Variants in FGFR4 observed in about 807,000 individuals in gnomAD.
The protein encoded by FGFR4 is fibroblast growth factor receptor 4, also known as hydroxyaryl-protein kinase.
FGFR4 carries 63 observed loss-of-function variants against 89.9 expected under a neutral mutation model. The observed-to-expected ratio is 0.70, with a 90% CI of 0.57 to 0.86. FGFR4 has a LOEUF of 0.86. Among genes scored for constraint, FGFR4 ranks in the 40% least tolerant of loss-of-function variants. The pLI, the probability that FGFR4 is intolerant of heterozygous loss-of-function variation, is 0.00. For synonymous variants in FGFR4, 486 were observed against 479.4 expected, an observed-to-expected ratio of 1.01 and a Z score of -0.18; for missense variants, 928 against 1,106.7, an observed-to-expected ratio of 0.84 and a Z score of 2.29.
At position 177,093,076 on chromosome 5, in the gene FGFR4, G is replaced by A. The variant is rs1308571729; in HGVS notation, c.1058-62G>A. The A allele has an allele frequency of 1.1e-5, 18 of 1,597,540 alleles. No individual in the cohort carries two copies. The highest frequency in any genetic ancestry group is 5.0e-5 in the Admixed American group (3 of 59,840). On this transcript the variant is annotated intron_variant, in intron 8 of 17. Transcript: ENST00000292408. This position sits in a 1 kb window ranked among gnomAD's most constrained non-coding sequence, Gnocchi z 5.8. ...TGGGAGGGACTGAGTTAGGGTGCAC[G>A]GGGCGGCCAGTCTCACCACTGACCA...
rs2149738806 is a variant in FGFR4 at position 177,096,289 on chromosome 5, C to T, written c.1947C>T (p.Gly649=). 1 of 1,614,156 alleles carries T rather than the reference C, an allele frequency of 6.2e-7. No homozygotes were observed. Among genetic ancestry groups the T allele is most frequent in the African/African-American group, 1.3e-5 (1 of 75,060 alleles). ...HIDYYKKTSN[G]RLPVKWMAPE... ...CTGAGGCCCTCTCTCCCCTCCAGGGCCGCCTGCCTGTGAAGTGGATGGCGC... is the reference window on the plus strand; with the variant it reads ...CTGAGGCCCTCTCTCCCCTCCAGGGTCGCCTGCCTGTGAAGTGGATGGCGC... Residue 649 remains glycine, a splice_region_variant and synonymous_variant, in exon 15 of 18, where the codon GGC becomes GGT. Transcript: ENST00000292408.
At chr5:177,094,220 A>G (rs910459682) in intron 11 of FGFR4, among the ~76,000 whole-genome samples, 1 of 152,068 alleles carries the variant, frequency 6.6e-6, no homozygotes, top group Middle Eastern at 3.2e-3. Flanking sequence ...TAAACCTGCA[A>G]TTCACCTCTG....
intron 1 of FGFR4, among the ~76,000 whole-genome samples, chr5:177,089,111 C>T (rs1037777058): frequency 6.6e-6 from 1 of 152,182 alleles, no homozygotes; most frequent in Non-Finnish European, 1.5e-5. Context: ...GAGTGGGGAT[C>T]GGATCAGATG....
Position 177,091,050 on chromosome 5 carries a change from C to T in FGFR4, c.549C>T (p.Arg183=), listed in dbSNP as rs2149732173. The change falls in exon 5 of 18, where the codon CGC becomes CGT. Residue 183 remains arginine (R), a synonymous_variant. Transcript: ENST00000292408. The part of the protein sequence containing the change: ...PAAGNPTPTI[R]WLKDGQAFHG... ...CAGGCAACCCCACGCCCACCATCCGCTGGCTTAAGGATGGACAGGCCTTTC... is the reference window on the plus strand; with the variant it reads ...CAGGCAACCCCACGCCCACCATCCGTTGGCTTAAGGATGGACAGGCCTTTC... 6.2e-7 allele frequency: 1 copy of T among 1,607,708 alleles called. No individual in the cohort carries two copies. The highest frequency in any genetic ancestry group is 8.5e-7 in the Non-Finnish European group (1 of 1,174,746).
rs1784641603 is a variant in FGFR4 at position 177,097,341 on chromosome 5, A to G, written c.2203A>G (p.Thr735Ala). The change falls in exon 17 of 18, where the codon ACC becomes GCC. Residue 735 changes from threonine (T) to alanine (A), a missense_variant. Transcript: ENST00000292408. ...GCACGCAGCGCCCTCCCAGAGGCCT[A>G]CCTTCAAGCAGCTGGTGGAGGCGCT... ...CWHAAPSQRP[T>A]FKQLVEALDK... is the part of the protein sequence containing the mutation. 1.2e-6 allele frequency: 2 copies of G among 1,611,676 alleles called. No homozygotes were observed. The highest frequency in any genetic ancestry group is 8.5e-7 in the Non-Finnish European group (1 of 1,179,288).
chr5:177,090,231 C>G (rs778787000), intron 2 of FGFR4, 159 bp from the exon 3 acceptor site: 2 of 1,016,566 alleles, frequency 2.0e-6, no homozygotes, highest in South Asian at 2.7e-5. Context: ...CTGGGTGTGG[C>G]ATCCGCAGCA....
Position 177,098,080 on chromosome 5 carries a change from G to A in FGFR4, c.*404G>A, listed in dbSNP as rs368017520. 46 of 252,954 alleles carry A rather than the reference G, an allele frequency of 1.8e-4. No individual in the cohort carries two copies. The South Asian group carries it at 2.0e-3, about 11-fold the overall frequency. The allele number at this position is 252,954 out of a possible 1,614,324, so 15.7% of individuals were successfully genotyped here. A position where few individuals can be genotyped will look rare whatever the true frequency, so the allele number is the denominator to read the frequency against. ...AGCCCAGAGAAGCTGGAAGCCTGCC[G>A]AAAACAGGAGCAAATGGCGTTTTAT... On this transcript the variant is annotated 3_prime_UTR_variant, in exon 18 of 18. Transcript: ENST00000292408. The surrounding 1 kb of genome is among the most constrained non-coding windows in gnomAD (Gnocchi z 4.5).
chr5:177,092,178 A>C, intron 6 of FGFR4, 143 bp from the exon 7 acceptor site: 1 of 827,842 alleles, frequency 1.2e-6, no homozygotes, highest in Non-Finnish European at 1.8e-6. Context: ...GGAGCCAGGG[A>C]AGGTTTAAGC....
At chr5:177,088,031 GT>G (rs553068025) in intron 1 of FGFR4, among the ~76,000 whole-genome samples, 11 of 152,104 alleles carry the variant, frequency 7.2e-5, no homozygotes, top group Non-Finnish European at 1.5e-4. Flanking sequence ...TTTTTTGTTT[GT>G]TTTTTTATTT....
Position 177,097,777 on chromosome 5 carries a change from T to C in FGFR4, c.*101T>C. The C allele has an allele frequency of 7.0e-7, 1 of 1,425,280 alleles. No individual in the cohort carries two copies. Among genetic ancestry groups the C allele is most frequent in the Non-Finnish European group, 9.4e-7 (1 of 1,064,100 alleles). The allele number at this position is 1,425,280 out of a possible 1,614,324, so 88.3% of individuals were successfully genotyped here. Reference sequence around the variant, plus strand: ...CTCGACCTTGATAGCATGGGGCCCCTGGCCCAGAGTTGCTGTGCCGTGTCC... The same window carrying C: ...CTCGACCTTGATAGCATGGGGCCCCCGGCCCAGAGTTGCTGTGCCGTGTCC... On this transcript the variant is annotated 3_prime_UTR_variant, in exon 18 of 18. Coordinates refer to ENST00000292408, the MANE Select transcript of FGFR4 (RefSeq NM_213647.3).
chr5:177,095,017 C>T lies in FGFR4; in HGVS notation c.1520-313C>T. Reference sequence around the variant, plus strand: ...CAGCGGCAGCTTCCTTCCTTCCTTCCTGCTCCGAGCTCTTCCCCTCTCTCC... The same window carrying T: ...CAGCGGCAGCTTCCTTCCTTCCTTCTTGCTCCGAGCTCTTCCCCTCTCTCC... On this transcript the variant is annotated intron_variant, in intron 11 of 17. Coordinates refer to ENST00000292408, the MANE Select transcript of FGFR4 (RefSeq NM_213647.3). This position sits in a 1 kb window ranked among gnomAD's most constrained non-coding sequence, Gnocchi z 5.7. 1 of 338,380 alleles carries T rather than the reference C, an allele frequency of 3.0e-6. No homozygotes were observed. The highest frequency in any genetic ancestry group is 5.7e-6 in the Non-Finnish European group (1 of 175,432). 21.0% of individuals were successfully genotyped at this position (338,380 alleles called of 1,614,324 possible).
At chr5:177,090,156 C>G (rs770827304) in intron 2 of FGFR4, 1 of 639,524 alleles carries the variant, frequency 1.6e-6, no homozygotes. Context: ...GTGTGTGTGT[C>G]TTGGCCACTG....
At chr5:177,091,884 T>A in intron 6 of FGFR4, 76 bp downstream of exon 6, 1 of 1,579,712 alleles carries the variant, frequency 6.3e-7, no homozygotes, top group Non-Finnish European at 8.6e-7. Flanking sequence ...GGGTCTAGTC[T>A]GGCAGGCAGG....
rs1196817831 is a variant in FGFR4 at position 177,093,820 on chromosome 5, C to CT, written c.1519+48dup. The CT allele has an allele frequency of 6.3e-7, 1 of 1,577,664 alleles. No individual in the cohort carries two copies. Among genetic ancestry groups the CT allele is most frequent in the East Asian group, 2.3e-5 (1 of 43,810 alleles). On this transcript the variant is annotated intron_variant, in intron 11 of 17. Transcript: ENST00000292408. This position sits in a 1 kb window ranked among gnomAD's most constrained non-coding sequence, Gnocchi z 5.8. ...GTGGCTCACACCTGTAACGCCAGCACTTTAGGAGGCTGAGGGTGGGAGGAT... is the reference window on the plus strand; with the variant it reads ...GTGGCTCACACCTGTAACGCCAGCACTTTTAGGAGGCTGAGGGTGGGAGGAT...
chr5:177,089,718 G>A, intron 2 of FGFR4, 25 bp downstream of exon 2: 1 of 1,610,090 alleles, frequency 6.2e-7, no homozygotes, highest in Non-Finnish European at 8.5e-7. Context: ...GTGGGAGAGG[G>A]TGGCAGGGGT....
intron 5 of FGFR4, 54 bp from the exon 6 acceptor site, chr5:177,091,631 T>C: frequency 6.2e-7 from 1 of 1,605,180 alleles, no homozygotes; most frequent in Non-Finnish European, 8.5e-7. Context: ...CCTGGTCCTC[T>C]GGCCCCCTTG....
At position 177,097,085 on chromosome 5, in the gene FGFR4, T is replaced by C. The variant is rs1422524877; in HGVS notation, c.2154-207T>C. ...CCTCCTTCTCTTCCTCCTCCTTCTC[T>C]TCCTCCTCCTCCTCCTGCTCCTCTT... On this transcript the variant is annotated intron_variant, in intron 16 of 17. Coordinates refer to ENST00000292408, the MANE Select transcript of FGFR4 (RefSeq NM_213647.3). 130 of 39,160 alleles carry C rather than the reference T, an allele frequency of 3.3e-3. 38 individuals are homozygous for C. The highest frequency in any genetic ancestry group is 0.017 in the East Asian group (3 of 176). The allele number at this position is 39,160 out of a possible 1,614,324, so 2.4% of individuals were successfully genotyped here. A position where few individuals can be genotyped will look rare whatever the true frequency, so the allele number is the denominator to read the frequency against.
intron 1 of FGFR4, 130 bp from the exon 2 acceptor site, chr5:177,089,420 C>T (rs1417382497): frequency 1.2e-5 from 13 of 1,075,106 alleles, no homozygotes; most frequent in Non-Finnish European, 1.7e-5. Flanking sequence ...TCTGCACTGC[C>T]ACAGCCTGGC....
At position 177,097,640 on chromosome 5, in the gene FGFR4, C is replaced by T. The variant is rs762714681; in HGVS notation, c.2373C>T (p.Ser791=). 6.2e-7 allele frequency: 1 copy of T among 1,614,090 alleles called. No individual in the cohort carries two copies. The highest frequency in any genetic ancestry group is 1.3e-5 in the African/African-American group (1 of 74,944). ...VFSHDPLPLG[S]SSFPFGSGVQ... ...GCCACGACCCCCTGCCATTGGGATC[C>T]AGCTCCTTCCCCTTCGGGTCTGGGG... The change falls in exon 18 of 18, where the codon TCC becomes TCT. Residue 791 remains serine, a synonymous_variant. Coordinates refer to ENST00000292408, the MANE Select transcript of FGFR4 (RefSeq NM_213647.3).
Sources: gnomAD v4.1 joint callset for allele counts (sites outside exome capture counted in the v4.1 genomes callset) on GRCh38, gnomAD v4.1.1 for gene constraint, Gnocchi (gnomAD v3.1) non-coding constraint, MANE v1.5 for transcripts, NCBI Gene and HGNC (gene_info 2026-07-23, HGNC 2026-07-21) for gene names.